The following BOD1L1 variants were observed in gnomAD, a reference collection of about 807,000 sequenced individuals.
The protein encoded by BOD1L1 is biorientation of chromosomes in cell division protein 1-like 1.
BOD1L1 carries 86 observed loss-of-function variants against 240.7 expected under a neutral mutation model. The ratio of observed to expected loss-of-function variants is 0.36; its 90% CI spans 0.30 to 0.43. The LOEUF (loss-of-function observed/expected upper bound fraction) is 0.43. Ranked by LOEUF, BOD1L1 falls within the 20% of genes least tolerant of loss-of-function variation. BOD1L1 has a pLI of 1.00. For missense variants in BOD1L1, 3,554 were observed against 3,643.5 expected, an observed-to-expected ratio of 0.98 and a Z score of 0.63; for synonymous variants, 1,268 against 1,272.3, an observed-to-expected ratio of 1.00 and a Z score of 0.07.
intron 13 of BOD1L1, among the ~76,000 whole-genome samples, chr4:13,591,130 C>G (rs569286631): frequency 6.6e-6 from 1 of 151,954 alleles, no homozygotes; most frequent in Admixed American, 6.6e-5. Flanking sequence ...GACCCAAACT[C>G]CTGGGCTCAA....
intron 22 of BOD1L1, among the ~76,000 whole-genome samples, chr4:13,578,641 G>A (rs957596274): frequency 1.3e-5 from 2 of 152,056 alleles, no homozygotes; most frequent in Admixed American, 6.6e-5. Flanking sequence ...TCCAACTCCT[G>A]GGCTCCAGTG....
At chr4:13,575,514 G>A (rs994472858) in intron 25 of BOD1L1, among the ~76,000 whole-genome samples, 4 of 151,984 alleles carry the variant, frequency 2.6e-5, no homozygotes, top group South Asian at 4.2e-4. Flanking sequence ...CCAAGTAGCC[G>A]GGACTACAGG....
intron 8 of BOD1L1, among the ~76,000 whole-genome samples, chr4:13,608,119 G>A (rs1715859017): frequency 6.6e-6 from 1 of 152,102 alleles, no homozygotes; most frequent in African/African-American, 2.4e-5. Flanking sequence ...GAGAATCATG[G>A]AATACTGGTA....
At chr4:13,574,021 A>G (rs1247886247) in intron 25 of BOD1L1, among the ~76,000 whole-genome samples, 2 of 152,168 alleles carry the variant, frequency 1.3e-5, no homozygotes, top group African/African-American at 4.8e-5. Context: ...GATGAGCACA[A>G]ACAGGGATGA....
rs147855039 is a variant in BOD1L1 at position 13,614,690 on chromosome 4, G to C, written c.680C>G (p.Ala227Gly). ...AARASTETSN[A>G]KTSERASKKL... is the part of the protein sequence containing the mutation. ...TTTTGACGCTCTCTCACTGGTCTTG[G>C]CATTTGATGTTTCTGTTGAAGCCCT... The change falls in exon 4 of 26, where the codon GCC becomes GGC. Residue 227 changes from alanine (A) to glycine (G), a missense_variant. Transcript: ENST00000040738. The C allele has an allele frequency of 6.2e-7, 1 of 1,613,750 alleles. No homozygotes were observed. Among genetic ancestry groups the C allele is most frequent in the East Asian group, 2.2e-5 (1 of 44,890 alleles).
rs747698779 is a variant in BOD1L1, at chr4:13,600,434, T to G, written c.6466A>C (p.Ile2156Leu). The change falls in exon 10 of 26, where the codon ATC (isoleucine) becomes CTC (leucine). Residue 2156 changes from isoleucine (I) to leucine (L), a missense_variant. Coordinates refer to ENST00000040738, the MANE Select transcript of BOD1L1 (RefSeq NM_148894.3). Reference sequence around the variant, plus strand: ...CACTTGATGGTTGTTGCACTGGAGATAGGCAATTCGAATTCTTCCCCTATG... The same window carrying G: ...CACTTGATGGTTGTTGCACTGGAGAGAGGCAATTCGAATTCTTCCCCTATG... ...TSIGEEFELP[I>L]SSATTIKCAE... 14 of 1,613,972 alleles carry G rather than the reference T, an allele frequency of 8.7e-6. No homozygotes were observed. The highest frequency in any genetic ancestry group is 1.7e-5 in the Admixed American group (1 of 60,030).
Position 13,603,107 on chromosome 4 carries a change from C to T in BOD1L1, c.3793G>A (p.Val1265Ile). ...TCAAGAGTGGCATCTCCTTGAGCAA[C>T]ATGTTCTTCAGCAGCTGTGTTTTTC... ...NLKNTAAEEH[V>I]AQGDATLEHS... The change falls in exon 10 of 26, where the codon GTT becomes ATT. Residue 1265 changes from valine (V) to isoleucine (I), a missense_variant. Transcript: ENST00000040738. 1 of 1,613,994 alleles carries T rather than the reference C, an allele frequency of 6.2e-7. No homozygotes were observed. Among genetic ancestry groups the T allele is most frequent in the Non-Finnish European group, 8.5e-7 (1 of 1,179,882 alleles).
In BOD1L1 at chr4:13,581,023, G is replaced by T; in HGVS notation, c.8700C>A (p.Val2900=). ...GTCATGTTTTGCAATTACTTACAGT[G>T]ACAATGCCAGTATCTGTTTTGGAGT... ...KDDSKTDTGI[V]TVEQSPSSSK... is the part of the protein sequence containing the mutation. Residue 2900 remains valine (V), a synonymous_variant, in exon 21 of 26, where the codon GTC becomes GTA. Coordinates refer to ENST00000040738, the MANE Select transcript of BOD1L1 (RefSeq NM_148894.3). 1 of 1,573,752 alleles carries T rather than the reference G, an allele frequency of 6.4e-7. No individual in the cohort carries two copies. The highest frequency in any genetic ancestry group is 8.6e-7 in the Non-Finnish European group (1 of 1,159,080).
intron 11 of BOD1L1, 119 bp from the exon 12 acceptor site, chr4:13,596,063 C>A: frequency 2.6e-6 from 2 of 764,842 alleles, no homozygotes; most frequent in East Asian, 2.6e-5. Context: ...AGCCTATTTT[C>A]AAGAGTACAC....
At chr4:13,610,322 C>A (rs189946445) in intron 6 of BOD1L1, among the ~76,000 whole-genome samples, 136 of 133,274 alleles carry the variant, frequency 1.0e-3, no homozygotes, top group Non-Finnish European at 1.6e-3. Flanking sequence ...TTAATAGCTG[C>A]ATACTGTATT....
rs532719891 is a variant in BOD1L1 at position 13,573,496 on chromosome 4, T to C, written c.9038+3342A>G. Among the ~76,000 whole-genome samples the C allele has an allele frequency of 6.7e-5, 5 of 74,138 alleles. No homozygotes were observed. The East Asian group carries it at 3.3e-3, about 49-fold the overall frequency. 48.6% of individuals were successfully genotyped at this position (74,138 alleles called of 152,430 possible). A position where few individuals can be genotyped will look rare whatever the true frequency, so the allele number is the denominator to read the frequency against. On this transcript the variant is annotated intron_variant, in intron 25 of 25. Coordinates refer to ENST00000040738, the MANE Select transcript of BOD1L1 (RefSeq NM_148894.3). Reference sequence around the variant, plus strand: ...TCTTTCTTTCTTTCTTTCTTTCTTTTGAGAAAGAGCCTCTATCTATCTATC... The same window carrying C: ...TCTTTCTTTCTTTCTTTCTTTCTTTCGAGAAAGAGCCTCTATCTATCTATC...
At chr4:13,610,864 T>C in intron 6 of BOD1L1, 70 bp downstream of exon 6, 1 of 1,354,486 alleles carries the variant, frequency 7.4e-7, no homozygotes, top group South Asian at 1.4e-5. Flanking sequence ...CATCAGTACC[T>C]TGCAGATAGA....
Position 13,615,407 on chromosome 4 carries a change from A to G in BOD1L1, c.464T>C (p.Val155Ala). 1 of 1,613,862 alleles carries G rather than the reference A, an allele frequency of 6.2e-7. No individual in the cohort carries two copies. Residue 155 changes from valine to alanine, a missense_variant, in exon 3 of 26, where the codon GTG (valine) becomes GCG (alanine). Physicochemically the swap from Val to Ala is moderately conservative, Grantham distance 64. Coordinates refer to ENST00000040738, the MANE Select transcript of BOD1L1 (RefSeq NM_148894.3). ...ATTTAGCGTGGCCAAAAACTCATGC[A>G]CAGCTTTCTCTACCTGAGGTCTGAA... Reference protein sequence around the residue: ...HTFRPQVEKAVHEFLATLNHK... With the variant: ...HTFRPQVEKAAHEFLATLNHK...
At chr4:13,582,407 C>T in intron 18 of BOD1L1, 97 bp from the exon 19 acceptor site, 1 of 890,346 alleles carries the variant, frequency 1.1e-6, no homozygotes, top group East Asian at 2.4e-5. Context: ...CACACATAAC[C>T]ACACACTCCA....
At chr4:13,606,638 A>C (rs1472915573) in intron 9 of BOD1L1, among the ~76,000 whole-genome samples, 1 of 152,216 alleles carries the variant, frequency 6.6e-6, no homozygotes, top group Non-Finnish European at 1.5e-5. Flanking sequence ...TATGTACATT[A>C]TATGTAACAC....
chr4:13,617,867 C>T (rs1358613306), intron 2 of BOD1L1, among the ~76,000 whole-genome samples: 2 of 152,172 alleles, frequency 1.3e-5, no homozygotes, highest in African/African-American at 4.8e-5. Context: ...CCTATACCTT[C>T]AGATTGAACA....
intron 25 of BOD1L1, chr4:13,572,624 A>G: frequency 8.4e-7 from 1 of 1,184,058 alleles, no homozygotes; most frequent in Non-Finnish European, 1.1e-6. Context: ...TCTTAAAGGA[A>G]ATTAGGAAGA....
In BOD1L1 at chr4:13,611,049, C is replaced by G; in HGVS notation, c.1376G>C (p.Ser459Thr). 1 of 1,611,312 alleles carries G rather than the reference C, an allele frequency of 6.2e-7. No individual in the cohort carries two copies. The highest frequency in any genetic ancestry group is 1.7e-4 in the Middle Eastern group (1 of 6,052). The change falls in exon 6 of 26, where the codon AGT (serine) becomes ACT (threonine). Residue 459 changes from serine to threonine, a missense_variant. Ser to Thr is a moderately conservative substitution (Grantham distance 58). This residue lies in a region of BOD1L1 where 3,393 missense variants were observed against 3,427.1 expected (regional missense o/e 0.99). Transcript: ENST00000040738. ...CCGTACACTTTTTGTTTTTCCTTCACTAGAATCACTAGTTTGAGTTTTTGT... is the reference window on the plus strand; with the variant it reads ...CCGTACACTTTTTGTTTTTCCTTCAGTAGAATCACTAGTTTGAGTTTTTGT... ...NKTKTQTSDS[S>T]EGKTKSVRHA...
rs146619696 is a variant in BOD1L1 at position 13,603,719 on chromosome 4, G to A, written c.3181C>T (p.Leu1061Phe). ...CTTCTACTTAATTTCTTTTCCATGA[G>A]TGAACTATTACCTCTGGCCTTTTCA... Reference protein sequence around the residue: ...SHEKARGNSSLMEKKLSRRLC... With the variant: ...SHEKARGNSSFMEKKLSRRLC... Residue 1061 changes from leucine to phenylalanine, a missense_variant, in exon 10 of 26, where the codon CTC (leucine) becomes TTC (phenylalanine). This residue lies in a region of BOD1L1 where 3,393 missense variants were observed against 3,427.1 expected (regional missense o/e 0.99). Coordinates refer to ENST00000040738, the MANE Select transcript of BOD1L1 (RefSeq NM_148894.3). 24 of 1,613,888 alleles carry A rather than the reference G, an allele frequency of 1.5e-5. No homozygotes were observed. In the African/African-American group the frequency reaches 1.7e-4, roughly 12 times the overall value.
Sources: allele counts gnomAD v4.1 joint callset (sites outside exome capture counted in the v4.1 genomes callset), GRCh38; gene constraint gnomAD v4.1.1; regional missense constraint gnomAD v4.1.1; transcripts MANE v1.5; gene names NCBI Gene and HGNC (gene_info 2026-07-23, HGNC 2026-07-21).